MGAM2: variants seen among roughly 807,000 people sequenced by gnomAD.
The protein encoded by MGAM2 is probable maltase-glucoamylase 2.
A neutral mutation model predicts 96.1 loss-of-function variants in MGAM2; 98 were observed. The ratio of observed to expected loss-of-function variants is 1.02; its 90% confidence interval spans 0.87 to 1.21. MGAM2 has a LOEUF of 1.21. MGAM2 is among the 50% of genes most tolerant of loss of function. MGAM2 has a pLI of 0.00. For missense variants in MGAM2, 2,055 were observed against 1,182.4 expected (o/e 1.74, Z -10.82); for synonymous variants, 749 against 414.8 (o/e 1.81, Z -9.79).
rs1292996312 is a variant in MGAM2, at chr7:142,143,863, A to C, written c.1412A>C (p.Glu471Ala). The C allele has an allele frequency of 4.3e-6, 3 of 702,850 alleles. No individual in the cohort carries two copies. The East Asian group carries it at 8.0e-5, about 19-fold the overall frequency. 43.5% of individuals were successfully genotyped at this position (702,850 alleles called of 1,614,324 possible). Residue 471 changes from glutamate to alanine, a missense_variant, in exon 13 of 48, where the codon GAG (glutamate) becomes GCG (alanine). Glu to Ala is a moderately radical substitution (Grantham distance 107, BLOSUM62 -1). Transcript: ENST00000477922. ...DQVAKFHDHL[E>A]FDGVWIEMNE... ...GTCGCTAAATTTCATGATCATCTGG[A>C]GTTTGATGGAGTGTGGATTGTAAGT...
At chr7:142,146,749 A>G (rs962971375) in intron 14 of MGAM2, among the ~76,000 whole-genome samples, 1 of 148,858 alleles carries the variant, frequency 6.7e-6, no homozygotes, top group Non-Finnish European at 1.5e-5. Context: ...TTTTTTTGAG[A>G]TGTAGTCTCG....
intron 2 of MGAM2, among the ~76,000 whole-genome samples, chr7:142,117,677 A>G (rs1817461195): frequency 1.3e-5 from 2 of 152,112 alleles, no homozygotes; most frequent in Admixed American, 6.5e-5. Context: ...ACCTCTCTCC[A>G]CAGTAAACAT....
chr7:142,136,617 T>C lies in MGAM2; in HGVS notation c.824T>C (p.Phe275Ser). Residue 275 changes from phenylalanine to serine, a missense_variant, in exon 8 of 48, where the codon TTT becomes TCT. Phe to Ser is a radical substitution (Grantham distance 155, BLOSUM62 -2). Coordinates refer to ENST00000477922, the MANE Select transcript of MGAM2 (RefSeq NM_001293626.2). ...GCCAGGGGCTCCTCTTTTGGAGTAT[T>C]TCTGATGAACAGTAATGCCATGGGT... is the stretch of plus-strand genomic sequence containing the variant. ...EDARGSSFGV[F>S]LMNSNAMEVT... 1.4e-6 allele frequency: 1 copy of C among 702,594 alleles called. No homozygotes were observed. The allele number at this position is 702,594 out of a possible 1,614,324, so 43.5% of individuals were successfully genotyped here. A position where few individuals can be genotyped will look rare whatever the true frequency, so the allele number is the denominator to read the frequency against.
At chr7:142,136,392 A>G (rs1795060115) in intron 7 of MGAM2, 149 bp from the exon 8 acceptor site, 1 of 427,060 alleles carries the variant, frequency 2.3e-6, no homozygotes, top group Non-Finnish European at 4.1e-6. Context: ...CCAGTTGATA[A>G]TATCATTACA....
chr7:142,126,250 T>C (rs1052777530), intron 3 of MGAM2, among the ~76,000 whole-genome samples: 4 of 152,084 alleles, frequency 2.6e-5, no homozygotes. Context: ...TCTTTTAATA[T>C]ATGAACGAAT....
chr7:142,182,036 C>T (rs1211866724), intron 32 of MGAM2, among the ~76,000 whole-genome samples: 1 of 152,148 alleles, frequency 6.6e-6, no homozygotes, highest in Non-Finnish European at 1.5e-5. Context: ...AGGCTACATC[C>T]TTCCCAGACC....
intron 3 of MGAM2, among the ~76,000 whole-genome samples, chr7:142,127,647 T>C (rs1045378165): frequency 6.6e-6 from 1 of 152,120 alleles, no homozygotes; most frequent in South Asian, 2.1e-4. Flanking sequence ...ACTGTTCTTA[T>C]GGTAGTGAAT....
chr7:142,220,168 C>G lies in MGAM2; in HGVS notation c.5657C>G (p.Thr1886Arg), dbSNP rs368137958. 2 of 702,902 alleles carry G rather than the reference C, an allele frequency of 2.8e-6. No homozygotes were observed. The highest frequency in any genetic ancestry group is 2.0e-5 in the Admixed American group (1 of 50,002). The allele number at this position is 702,902 out of a possible 1,614,324, so 43.5% of individuals were successfully genotyped here. A position where few individuals can be genotyped will look rare whatever the true frequency, so the allele number is the denominator to read the frequency against. ...TVPDTTSPFP[T>R]STTNASTNAT... is the part of the protein sequence containing the mutation. ...CCTGATACAACTTCTCCTTTCCCTA[C>G]AAGTACTACTAATGCTAGCACTAAT... Residue 1886 changes from threonine to arginine, a missense_variant, in exon 48 of 48, where the codon ACA (threonine) becomes AGA (arginine). By Grantham distance (71) the Thr-to-Arg change is moderately conservative. Coordinates refer to ENST00000477922, the MANE Select transcript of MGAM2 (RefSeq NM_001293626.2).
intron 46 of MGAM2, among the ~76,000 whole-genome samples, chr7:142,211,024 C>T (rs1797566040): frequency 6.6e-6 from 1 of 152,202 alleles, no homozygotes; most frequent in Admixed American, 6.5e-5. Context: ...TCTGCAGTCT[C>T]CACTGGTGAT....
chr7:142,124,891 T>G (rs1585142621), intron 3 of MGAM2, among the ~76,000 whole-genome samples: 1 of 152,132 alleles, frequency 6.6e-6, no homozygotes, highest in East Asian at 1.9e-4. Context: ...ATACTGATCT[T>G]GTAACTAGAA....
intron 7 of MGAM2, among the ~76,000 whole-genome samples, chr7:142,135,723 T>C (rs1023247490): frequency 4.1e-5 from 6 of 145,114 alleles, no homozygotes; most frequent in African/African-American, 1.3e-4. Flanking sequence ...CACTTAGAGT[T>C]ACACACACAC....
intron 8 of MGAM2, among the ~76,000 whole-genome samples, chr7:142,137,230 C>A (rs1192738865): frequency 9.2e-5 from 13 of 141,716 alleles, no homozygotes; most frequent in African/African-American, 1.6e-4. Flanking sequence ...AAAAAAAAAA[C>A]AAAACTCAAT....
At chr7:142,145,864 G>A (rs1795367630) in intron 14 of MGAM2, among the ~76,000 whole-genome samples, 1 of 152,076 alleles carries the variant, frequency 6.6e-6, no homozygotes, top group African/African-American at 2.4e-5. Flanking sequence ...TAACCTCAAG[G>A]GAAGGTATAA....
intron 4 of MGAM2, 82 bp downstream of exon 4, chr7:142,131,153 AAGTC>A (rs1794874910): frequency 3.0e-6 from 2 of 667,762 alleles, no homozygotes; most frequent in East Asian, 5.5e-5. Flanking sequence ...TAAAAGCTAA[AAGTC>A]AGGCAGGCGT....
intron 15 of MGAM2, among the ~76,000 whole-genome samples, chr7:142,150,826 C>T (rs570491610): frequency 6.6e-5 from 10 of 152,274 alleles, no homozygotes; most frequent in African/African-American, 2.2e-4. Flanking sequence ...CCCTTTCTTA[C>T]AATTTTTCTC....
chr7:142,201,634 T>C (rs2129102035), intron 45 of MGAM2, among the ~76,000 whole-genome samples: 1 of 152,278 alleles, frequency 6.6e-6, no homozygotes, highest in Non-Finnish European at 1.5e-5. Context: ...CATCCAACTG[T>C]GGTTTGAAAA....
At chr7:142,210,885 C>T (rs1797561031) in intron 46 of MGAM2, among the ~76,000 whole-genome samples, 1 of 152,228 alleles carries the variant, frequency 6.6e-6, no homozygotes, top group Non-Finnish European at 1.5e-5. Flanking sequence ...CCCCGTGCCT[C>T]CTGACAGGGA....
intron 3 of MGAM2, among the ~76,000 whole-genome samples, chr7:142,121,956 G>A (rs1794586523): frequency 6.6e-6 from 1 of 151,974 alleles, no homozygotes; most frequent in Non-Finnish European, 1.5e-5. Context: ...ATGGAAATTT[G>A]GGCAAAGTAT....
At chr7:142,141,823 T>A (rs1185373490) in intron 12 of MGAM2, among the ~76,000 whole-genome samples, 1 of 152,068 alleles carries the variant, frequency 6.6e-6, no homozygotes, top group Non-Finnish European at 1.5e-5. Flanking sequence ...TACACAAGAC[T>A]TATAGATAGA....
Sources: allele counts gnomAD v4.1 joint callset (sites outside exome capture counted in the v4.1 genomes callset), GRCh38; gene constraint gnomAD v4.1.1; transcripts MANE v1.5; gene names NCBI Gene and HGNC (gene_info 2026-07-23, HGNC 2026-07-21).